The following ZEB1 variants were observed in gnomAD, a reference collection of about 807,000 sequenced individuals.
ZEB1 encodes the protein zinc finger E-box binding homeobox 1.
In ZEB1, 21 loss-of-function variants were observed where a neutral mutation model predicts 84.9. That is an observed-to-expected ratio of 0.25 (90% CI 0.18 to 0.36). ZEB1 has a LOEUF of 0.36. Ranked by LOEUF, ZEB1 falls within the 10% of genes least tolerant of loss-of-function variation. ZEB1 has a pLI of 1.00. For missense variants in ZEB1, 1,104 were observed against 1,330.2 expected (o/e 0.83, Z 2.65); for synonymous variants, 420 against 471.1 (o/e 0.89, Z 1.41).
At chr10:31,446,254 G>C (rs1330647794) in intron 1 of ZEB1, among the ~76,000 whole-genome samples, 8 of 152,140 alleles carry the variant, frequency 5.3e-5, no homozygotes, top group Non-Finnish European at 1.0e-4. Flanking sequence ...TGTGGGATCG[G>C]TGGTGATATC....
chr10:31,403,966 G>T (rs2052514190), intron 1 of ZEB1, among the ~76,000 whole-genome samples: 1 of 151,948 alleles, frequency 6.6e-6, no homozygotes, highest in African/African-American at 2.4e-5. Context: ...GATTGCTGCT[G>T]GAAATTCACA....
intron 1 of ZEB1, among the ~76,000 whole-genome samples, chr10:31,345,167 A>G (rs765608289): frequency 5.9e-5 from 9 of 151,994 alleles, no homozygotes; most frequent in Non-Finnish European, 1.0e-4. Flanking sequence ...ATTTCACTAA[A>G]CCATTTATGT....
At chr10:31,323,013 G>A (rs1036232647) in intron 1 of ZEB1, among the ~76,000 whole-genome samples, 4 of 152,014 alleles carry the variant, frequency 2.6e-5, no homozygotes, top group African/African-American at 4.8e-5. Flanking sequence ...GTTAAATTAG[G>A]CATAAGCATT....
intron 1 of ZEB1, among the ~76,000 whole-genome samples, chr10:31,415,998 A>G (rs1370531324): frequency 6.6e-6 from 1 of 152,108 alleles, no homozygotes; most frequent in Non-Finnish European, 1.5e-5. Flanking sequence ...TCTTAGTTGT[A>G]AATACTAATA....
intron 3 of ZEB1, among the ~76,000 whole-genome samples, chr10:31,496,420 A>T (rs2067245003): frequency 6.6e-6 from 1 of 152,130 alleles, no homozygotes; most frequent in African/African-American, 2.4e-5. Flanking sequence ...GTGACTAAAA[A>T]GTACATATTC....
chr10:31,524,305 G>T (rs764024568), intron 8 of ZEB1, among the ~76,000 whole-genome samples, 192 bp downstream of exon 8: 2 of 151,170 alleles, frequency 1.3e-5, no homozygotes, highest in East Asian at 2.0e-4. Flanking sequence ...TGCAACCTCC[G>T]CCTCCCGGGC....
chr10:31,464,191 CA>C (rs765913224), intron 2 of ZEB1, among the ~76,000 whole-genome samples: 32 of 151,892 alleles, frequency 2.1e-4, no homozygotes, highest in Admixed American at 6.6e-4. Flanking sequence ...AAATGGAACT[CA>C]GAGAGACACA....
intron 4 of ZEB1, among the ~76,000 whole-genome samples, chr10:31,508,225 G>GA (rs1414216968): frequency 6.6e-6 from 1 of 152,118 alleles, no homozygotes; most frequent in African/African-American, 2.4e-5. Context: ...GTGGCACATT[G>GA]ACACCTTGTG....
At chr10:31,363,834 G>A (rs2370500) in intron 1 of ZEB1, 52 of 1,321,298 alleles carry the variant, frequency 3.9e-5, no homozygotes, top group Middle Eastern at 2.1e-4. Flanking sequence ...TAGGGGCGCC[G>A]TCCCACCTGA....
intron 1 of ZEB1, among the ~76,000 whole-genome samples, chr10:31,410,755 T>G (rs2054082601): frequency 6.6e-6 from 1 of 152,170 alleles, no homozygotes; most frequent in African/African-American, 2.4e-5. Flanking sequence ...GTCCAGGAAT[T>G]TATTCATTTT....
intron 1 of ZEB1, among the ~76,000 whole-genome samples, chr10:31,384,535 G>C (rs1240912772): frequency 1.3e-5 from 2 of 152,178 alleles, no homozygotes; most frequent in Non-Finnish European, 2.9e-5. Context: ...CCCCAAAAGG[G>C]AGAAAACAGT....
Position 31,508,535 on chromosome 10 carries a change from G to A in ZEB1, c.485-2138G>A, listed in dbSNP as rs112806768. Among the ~76,000 whole-genome samples, 284 of 152,226 alleles carry A rather than the reference G, an allele frequency of 1.9e-3. 6 individuals are homozygous for A. Among genetic ancestry groups the A allele is most frequent in the African/African-American group, 6.6e-3 (274 of 41,522 alleles). On this transcript the variant is annotated intron_variant, in intron 4 of 8. Transcript: ENST00000424869. Reference sequence around the variant, plus strand: ...GGTGGACCCAACCTCAGGCCTCCAGGAGGAGTGTTCAGGTGACAACAGTGT... The same window carrying A: ...GGTGGACCCAACCTCAGGCCTCCAGAAGGAGTGTTCAGGTGACAACAGTGT...
At chr10:31,505,397 A>G (rs2139342861) in intron 4 of ZEB1, among the ~76,000 whole-genome samples, 1 of 152,202 alleles carries the variant, frequency 6.6e-6, no homozygotes, top group South Asian at 2.1e-4. Flanking sequence ...GGTAGAATTC[A>G]GCAGTGAACC....
chr10:31,400,900 G>C (rs1011355937), intron 1 of ZEB1, among the ~76,000 whole-genome samples: 5 of 152,018 alleles, frequency 3.3e-5, no homozygotes, highest in Admixed American at 2.0e-4. Flanking sequence ...TTTAAATAGA[G>C]TCATAATCCA....
At chr10:31,475,837 G>A (rs757995292) in intron 2 of ZEB1, among the ~76,000 whole-genome samples, 6 of 151,952 alleles carry the variant, frequency 3.9e-5, no homozygotes, top group African/African-American at 4.8e-5. Context: ...ATAAAGCACA[G>A]GTAAGTAGAA....
chr10:31,513,043 G>A (rs2070391947), intron 5 of ZEB1, among the ~76,000 whole-genome samples: 1 of 152,154 alleles, frequency 6.6e-6, no homozygotes, highest in African/African-American at 2.4e-5. Flanking sequence ...AAAGTGCAGT[G>A]GGGATGCCTG....
At chr10:31,468,261 A>ACC (rs1015446088) in intron 2 of ZEB1, among the ~76,000 whole-genome samples, 5 of 151,654 alleles carry the variant, frequency 3.3e-5, no homozygotes, top group African/African-American at 1.2e-4. Flanking sequence ...AGAGCTCCAC[A>ACC]CCCCCCACCC....
Position 31,524,067 on chromosome 10 carries a change from A to C in ZEB1, c.2739A>C (p.Ile913=). The C allele has an allele frequency of 1.2e-6, 2 of 1,613,994 alleles. No individual in the cohort carries two copies. Among genetic ancestry groups the C allele is most frequent in the Non-Finnish European group, 1.7e-6 (2 of 1,179,930 alleles). ...ATGCTTGTGATTTGTGTGACAAGAT[A>C]TTCCAAAAGAGTAGTTCATTATTGA... is the stretch of plus-strand genomic sequence containing the variant. The part of the protein sequence containing the change: ...GMYACDLCDK[I]FQKSSSLLRH... The change falls in exon 8 of 9, where the codon ATA becomes ATC. Residue 913 remains isoleucine (I), a synonymous_variant. Transcript: ENST00000424869.
At position 31,461,098 on chromosome 10, in the gene ZEB1, T is replaced by C. The variant is rs2061756211; in HGVS notation, c.120T>C (p.His40=). ...NSDSDDEDKL[H]IVEEESVTDA... ...ATTCAGATGATGAAGACAAACTGCA[T>C]ATTGTGGAAGAAGAAAGTGTTACAG... is the stretch of plus-strand genomic sequence containing the variant. The change falls in exon 2 of 9, where the codon CAT becomes CAC. Residue 40 remains histidine (H), a synonymous_variant. Transcript: ENST00000424869. 1.2e-6 allele frequency: 2 copies of C among 1,613,532 alleles called. No individual in the cohort carries two copies. The highest frequency in any genetic ancestry group is 1.1e-5 in the South Asian group (1 of 91,068).
Sources: allele counts gnomAD v4.1 joint callset (sites outside exome capture counted in the v4.1 genomes callset), GRCh38; gene constraint gnomAD v4.1.1; transcripts MANE v1.5; gene names NCBI Gene and HGNC (gene_info 2026-07-23, HGNC 2026-07-21).